CROCC2: variants seen among roughly 807,000 people sequenced by gnomAD.
CROCC2 encodes ciliary rootlet coiled-coil, rootletin family member 2.
CROCC2 carries 163 observed loss-of-function variants against 177.6 expected under a neutral mutation model. The ratio of observed to expected loss-of-function variants is 0.92; its 90% confidence interval spans 0.81 to 1.05. The LOEUF (loss-of-function observed/expected upper bound fraction) is 1.05, where lower values mean the gene tolerates loss of function less well. CROCC2 is among the 50% of genes least tolerant of loss of function. CROCC2 has a pLI of 0.00. For missense variants in CROCC2, 1,929 were observed against 1,797.8 expected, an observed-to-expected ratio of 1.07 and a Z score of -1.32; for synonymous variants, 904 against 787.3, an observed-to-expected ratio of 1.15 and a Z score of -2.48.
At chr2:240,968,336 G>A in intron 27 of CROCC2, 74 bp downstream of exon 27, 1 of 1,429,238 alleles carries the variant, frequency 7.0e-7, no homozygotes, top group South Asian at 1.4e-5. Context: ...ACACCCTGCA[G>A]GGAGGCCACA....
intron 9 of CROCC2, 35 bp from the exon 10 acceptor site, chr2:240,933,096 G>A: frequency 1.9e-6 from 3 of 1,548,644 alleles, no homozygotes; most frequent in Non-Finnish European, 2.6e-6. Context: ...GCCTGCCTAG[G>A]CCAGAGAGGC....
intron 27 of CROCC2, among the ~76,000 whole-genome samples, chr2:240,969,550 G>C (rs1440723753): frequency 6.6e-6 from 1 of 152,268 alleles, no homozygotes; most frequent in Non-Finnish European, 1.5e-5. Context: ...GGCCTGGCCA[G>C]GGATGGGGTC....
At position 240,958,485 on chromosome 2, in the gene CROCC2, G is replaced by T. The variant is rs1423985094; in HGVS notation, c.2944-816G>T. 2 of 777,958 alleles carry T rather than the reference G, an allele frequency of 2.6e-6. No homozygotes were observed. Among genetic ancestry groups the T allele is most frequent in the Non-Finnish European group, 3.1e-6 (2 of 640,114 alleles). The allele number at this position is 777,958 out of a possible 1,614,324, so 48.2% of individuals were successfully genotyped here. On this transcript the variant is annotated intron_variant, in intron 19 of 31. Transcript: ENST00000690015. The surrounding 1 kb of genome is among the most constrained non-coding windows in gnomAD (Gnocchi z 6.7). ...AGCAGAATCCAGGTGGACAGGAGGG[G>T]CTCCAGAGATCTGGCACAGGGGCAG...
chr2:240,915,218 GGT>G (rs1044260333), intron 1 of CROCC2, among the ~76,000 whole-genome samples: 14 of 152,216 alleles, frequency 9.2e-5, no homozygotes, highest in African/African-American at 3.1e-4. Flanking sequence ...ATGGGGAAGG[GGT>G]GTAAGAGGAG....
At chr2:240,989,908 G>A (rs1176222265) in intron 30 of CROCC2, 75 bp downstream of exon 30, 5 of 1,372,080 alleles carry the variant, frequency 3.6e-6, no homozygotes, top group African/African-American at 1.5e-5. Context: ...CAGTCACCCA[G>A]TAGGGGTGAC....
At chr2:240,990,644 G>A (rs1013974233) in intron 30 of CROCC2, among the ~76,000 whole-genome samples, 3 of 152,136 alleles carry the variant, frequency 2.0e-5, no homozygotes, top group Non-Finnish European at 4.4e-5. Context: ...GTGCAGTGGC[G>A]CGATCTCGGC....
At position 240,948,996 on chromosome 2, in the gene CROCC2, T is replaced by C. The variant is rs2059538238; in HGVS notation, c.2381T>C (p.Leu794Pro). The part of the protein sequence containing the change: ...AADLRVERDS[L>P]ESSLLEAQQL... ...CTTTGCAGGGTGGAGAGGGACTCCC[T>C]GGAGAGCAGCCTCCTTGAGGCCCAA... Residue 794 changes from leucine to proline, a missense_variant, in exon 16 of 32, where the codon CTG (leucine) becomes CCG (proline). This residue lies in a region of CROCC2 where 1,397 missense variants were observed against 1,239.9 expected (regional missense o/e 1.13). Coordinates refer to ENST00000690015, the MANE Select transcript of CROCC2 (RefSeq NM_001351305.2). 1.3e-6 allele frequency: 2 copies of C among 1,550,372 alleles called. No homozygotes were observed. Among genetic ancestry groups the C allele is most frequent in the Non-Finnish European group, 1.7e-6 (2 of 1,146,924 alleles).
At chr2:240,940,653 A>T (rs1025378620) in intron 14 of CROCC2, among the ~76,000 whole-genome samples, 3 of 152,198 alleles carry the variant, frequency 2.0e-5, no homozygotes, top group African/African-American at 7.2e-5. Context: ...GCATCCCTTT[A>T]TGATTAAAAC....
chr2:240,964,126 T>A (rs2059660660), intron 21 of CROCC2: 6 of 529,472 alleles, frequency 1.1e-5, no homozygotes, highest in Non-Finnish European at 1.7e-5. Flanking sequence ...GTGGGGCAGC[T>A]GGGCAGGATG....
chr2:240,945,153 C>A (rs1038373710), intron 14 of CROCC2, among the ~76,000 whole-genome samples: 1 of 152,176 alleles, frequency 6.6e-6, no homozygotes, highest in African/African-American at 2.4e-5. Flanking sequence ...CCAGGCTGGT[C>A]TTGAACTCCT....
intron 19 of CROCC2, chr2:240,957,271 G>A (rs1227290310): frequency 6.6e-6 from 1 of 152,384 alleles, no homozygotes; most frequent in East Asian, 1.9e-4. Context: ...TCAGTGACGA[G>A]GCCGTTCATT....
At chr2:240,962,366 G>A (rs1001708537) in intron 20 of CROCC2, among the ~76,000 whole-genome samples, 1 of 152,120 alleles carries the variant, frequency 6.6e-6, no homozygotes, top group African/African-American at 2.4e-5. Context: ...CTCTGCGCTG[G>A]GAAATGAAAA....
rs897025408 is a variant in CROCC2 at position 240,934,035 on chromosome 2, C to T, written c.1646+183C>T. ...CTTCTCCCCAGGCTGCACCATCCTC[C>T]AGACCAACCCTCACTTCCTCTGGCC... On this transcript the variant is annotated intron_variant, in intron 11 of 31. Transcript: ENST00000690015. 2.0e-5 allele frequency among the ~76,000 whole-genome samples: 3 copies of T among 152,222 alleles called. No homozygotes were observed. In the East Asian group the frequency reaches 5.8e-4, roughly 29 times the overall value.
At chr2:240,991,612 C>T (rs2059880161) in intron 31 of CROCC2, among the ~76,000 whole-genome samples, 1 of 152,194 alleles carries the variant, frequency 6.6e-6, no homozygotes, top group African/African-American at 2.4e-5. Flanking sequence ...TGCTGCGGGT[C>T]GCTCATCTCT....
At chr2:240,934,616 T>C in intron 12 of CROCC2, 141 bp downstream of exon 12, 1 of 918,792 alleles carries the variant, frequency 1.1e-6, no homozygotes, top group East Asian at 2.8e-5. Context: ...GTCACCAAAG[T>C]TCTCTCCCGT....
Position 240,963,754 on chromosome 2 carries a change from G to A in CROCC2, c.3286G>A (p.Ala1096Thr), listed in dbSNP as rs2059658589. The A allele has an allele frequency of 3.2e-6, 5 of 1,549,808 alleles. No homozygotes were observed. The highest frequency in any genetic ancestry group is 2.7e-5 in the African/African-American group (2 of 73,162). Residue 1096 changes from alanine to threonine, a missense_variant, in exon 21 of 32, where the codon GCC becomes ACC. Ala to Thr is a moderately conservative substitution (Grantham distance 58). Around this residue, in one of 3 missense-constraint regions of CROCC2, gnomAD observed 1,397 missense variants for 1,239.9 expected, o/e 1.13. Transcript: ENST00000690015. ...NSELRATICRAEQEKASFKRS... is the reference protein window; with the variant it reads ...NSELRATICRTEQEKASFKRS... ...CGAGCTGCGGGCCACCATCTGCAGG[G>A]CCGAACAGGAGAAGGCCAGGTATGG...
Position 240,967,330 on chromosome 2 carries a change from A to C in CROCC2, c.4147-15A>C. 2.9e-6 allele frequency: 2 copies of C among 684,536 alleles called. No individual in the cohort carries two copies. The highest frequency in any genetic ancestry group is 3.1e-5 in the South Asian group (2 of 63,634). 42.4% of individuals were successfully genotyped at this position (684,536 alleles called of 1,614,324 possible). ...CCATTGGACTGCCCCCGCTGACCTC[A>C]GTCCTTCTGCCCAGGATGACTCCCG... On this transcript the variant is annotated splice_polypyrimidine_tract_variant and intron_variant, in intron 25 of 31. Transcript: ENST00000690015.
At position 240,963,558 on chromosome 2, in the gene CROCC2, T is replaced by TGAGAGGC; in HGVS notation, c.3091_3097dup (p.Leu1033ArgfsTer44). The TGAGAGGC allele has an allele frequency of 1.3e-6, 2 of 1,541,026 alleles. No individual in the cohort carries two copies. Among genetic ancestry groups the TGAGAGGC allele is most frequent in the Non-Finnish European group, 1.8e-6 (2 of 1,141,802 alleles). On this transcript the variant is annotated frameshift_variant, in exon 21 of 32. Coordinates refer to ENST00000690015, the MANE Select transcript of CROCC2 (RefSeq NM_001351305.2). LOFTEE classifies it high-confidence loss of function. ...TAGAGCTGAATGGTCCTCCCCAGGC[T>TGAGAGGC]GAGAGGCTGCGGGCACAGCTGACCG...
At chr2:240,974,665 C>G (rs111678561) in intron 27 of CROCC2, among the ~76,000 whole-genome samples, 5,893 of 151,862 alleles carry the variant, frequency 0.039, 377 homozygotes, top group African/African-American at 0.13. Context: ...CCACCACACC[C>G]AGCCAACACC....
Sources: gnomAD v4.1 joint callset for allele counts (sites outside exome capture counted in the v4.1 genomes callset) on GRCh38, gnomAD v4.1.1 for gene constraint, gnomAD v4.1.1 regional missense constraint, Gnocchi (gnomAD v3.1) non-coding constraint, MANE v1.5 for transcripts, NCBI Gene and HGNC (gene_info 2026-07-23, HGNC 2026-07-21) for gene names.